The following SPOCK1 variants were observed in gnomAD, a reference collection of about 807,000 sequenced individuals.
The protein encoded by SPOCK1 is SPARC (osteonectin), cwcv and kazal like domains proteoglycan 1.
A neutral mutation model predicts 55.3 loss-of-function variants in SPOCK1; 23 were observed. That is an observed-to-expected ratio of 0.42 (90% CI 0.30 to 0.59). The LOEUF (loss-of-function observed/expected upper bound fraction) is 0.59. SPOCK1 is among the 20% of genes least tolerant of loss of function. SPOCK1 has a pLI of 0.22. For synonymous variants in SPOCK1, 226 were observed against 221.0 expected (o/e 1.02, Z -0.20); for missense variants, 499 against 552.5 (o/e 0.90, Z 0.97).
chr5:137,385,793 T>A (rs1354250493), intron 2 of SPOCK1, among the ~76,000 whole-genome samples: 1 of 152,220 alleles, frequency 6.6e-6, no homozygotes, highest in Non-Finnish European at 1.5e-5. Flanking sequence ...CTCTGCCAGG[T>A]TCCTACCATC....
intron 2 of SPOCK1, among the ~76,000 whole-genome samples, chr5:137,495,702 G>C (rs1366020723): frequency 6.6e-6 from 1 of 152,222 alleles, no homozygotes; most frequent in African/African-American, 2.4e-5. Flanking sequence ...AGGCTTTATC[G>C]ATTGTCCACT....
intron 2 of SPOCK1, among the ~76,000 whole-genome samples, chr5:137,272,856 A>G (rs1756996723): frequency 6.6e-6 from 1 of 151,422 alleles, no homozygotes. Flanking sequence ...GCTAAATCAC[A>G]TCAAATATAA....
At chr5:137,204,092 C>T (rs965134969) in intron 3 of SPOCK1, among the ~76,000 whole-genome samples, 1 of 152,170 alleles carries the variant, frequency 6.6e-6, no homozygotes, top group African/African-American at 2.4e-5. Context: ...GGTTATCCAA[C>T]CAGCTCTAGC....
chr5:137,413,054 T>G (rs1177658918), intron 2 of SPOCK1, among the ~76,000 whole-genome samples: 1 of 152,188 alleles, frequency 6.6e-6, no homozygotes, highest in Non-Finnish European at 1.5e-5. Context: ...AAAAGTAATT[T>G]TTGGAGGTGC....
At chr5:137,296,093 C>T (rs1366179313) in intron 2 of SPOCK1, among the ~76,000 whole-genome samples, 1 of 152,158 alleles carries the variant, frequency 6.6e-6, no homozygotes, top group East Asian at 1.9e-4. Flanking sequence ...ATTCCTTCTG[C>T]CACATGAGGA....
intron 2 of SPOCK1, among the ~76,000 whole-genome samples, chr5:137,381,745 T>C (rs957873689): frequency 1.3e-5 from 2 of 152,206 alleles, no homozygotes; most frequent in Non-Finnish European, 2.9e-5. Flanking sequence ...AAAATCATTT[T>C]TTCCTCCTTG....
intron 2 of SPOCK1, among the ~76,000 whole-genome samples, chr5:137,285,073 T>C (rs1431864713): frequency 1.3e-5 from 2 of 152,246 alleles, no homozygotes; most frequent in Non-Finnish European, 2.9e-5. Context: ...CCCAGACTAA[T>C]GTGCCTCTGT....
chr5:137,150,100 A>G lies in SPOCK1; in HGVS notation c.233-9406T>C, dbSNP rs575892685. On this transcript the variant is annotated intron_variant, in intron 3 of 10. Coordinates refer to ENST00000394945, the MANE Select transcript of SPOCK1 (RefSeq NM_004598.4). ...CCACCAAGGGCAAGGGACCCTGGAC[A>G]CTTCAGAAACACAAGATCCTGGAGC... is the stretch of plus-strand genomic sequence containing the variant. Among the ~76,000 whole-genome samples the G allele has an allele frequency of 2.0e-4, 31 of 152,336 alleles. No individual in the cohort carries two copies. The South Asian group carries it at 3.9e-3, about 19-fold the overall frequency.
In SPOCK1 at chr5:136,979,370, T is replaced by G. The variant is rs1445619769; in HGVS notation, c.1091A>C (p.Glu364Ala). Residue 364 changes from glutamate to alanine, a missense_variant, in exon 10 of 11, where the codon GAG (glutamate) becomes GCG (alanine). Transcript: ENST00000394945. ...ACCCTGTTTCCTGGAGCCAGCCAAC[T>G]CATTCCCATATTTGTCCACACACCA... is the stretch of plus-strand genomic sequence containing the variant. ...QCWCVDKYGNELAGSRKQGAV... is the reference protein window; with the variant it reads ...QCWCVDKYGNALAGSRKQGAV... The G allele has an allele frequency of 6.2e-7, 1 of 1,614,002 alleles. No homozygotes were observed. Among genetic ancestry groups the G allele is most frequent in the African/African-American group, 1.3e-5 (1 of 74,904 alleles).
chr5:137,029,728 C>T (rs1364387862), intron 6 of SPOCK1, among the ~76,000 whole-genome samples: 1 of 152,208 alleles, frequency 6.6e-6, no homozygotes, highest in Non-Finnish European at 1.5e-5. Context: ...GGTATGGTGG[C>T]TCATGCCTAT....
chr5:137,176,502 A>ATGTGTGTGTG (rs10527760), intron 3 of SPOCK1, among the ~76,000 whole-genome samples: 1,839 of 150,398 alleles, frequency 0.012, 39 homozygotes, highest in African/African-American at 0.041. Context: ...CCCCACCACA[A>ATGTGTGTGTG]TGTGTGTGTG....
At chr5:136,989,819 C>T (rs1244717306) in intron 7 of SPOCK1, among the ~76,000 whole-genome samples, 1 of 152,094 alleles carries the variant, frequency 6.6e-6, no homozygotes, top group Non-Finnish European at 1.5e-5. Flanking sequence ...GTCAGTTGCC[C>T]ATCATTAAGC....
At chr5:137,012,636 T>C (rs1285661801) in intron 6 of SPOCK1, among the ~76,000 whole-genome samples, 2 of 152,134 alleles carry the variant, frequency 1.3e-5, no homozygotes, top group Non-Finnish European at 2.9e-5. Flanking sequence ...GAAGGTTCTA[T>C]AATAGTTAAT....
chr5:137,471,545 C>G (rs575019012), intron 2 of SPOCK1, among the ~76,000 whole-genome samples: 1 of 152,318 alleles, frequency 6.6e-6, no homozygotes, highest in East Asian at 1.9e-4. Flanking sequence ...TTGCCAGAAT[C>G]AAGAGAAAGA....
At chr5:137,241,969 C>T (rs1756291318) in intron 3 of SPOCK1, among the ~76,000 whole-genome samples, 1 of 152,120 alleles carries the variant, frequency 6.6e-6, no homozygotes, top group Non-Finnish European at 1.5e-5. Flanking sequence ...GACATACATA[C>T]AAAATTATTC....
At chr5:137,105,604 A>C (rs766522655) in intron 5 of SPOCK1, among the ~76,000 whole-genome samples, 2 of 152,230 alleles carry the variant, frequency 1.3e-5, no homozygotes, top group Non-Finnish European at 2.9e-5. Flanking sequence ...AAGAACTTCA[A>C]ACATGACCTT....
intron 4 of SPOCK1, among the ~76,000 whole-genome samples, chr5:137,135,034 G>A (rs751702497): frequency 6.6e-6 from 1 of 152,150 alleles, no homozygotes; most frequent in Non-Finnish European, 1.5e-5. Flanking sequence ...CATTAGAGAG[G>A]CCCAGCCCAT....
At chr5:137,078,507 ACT>A (rs1444403580) in intron 5 of SPOCK1, among the ~76,000 whole-genome samples, 3 of 151,890 alleles carry the variant, frequency 2.0e-5, no homozygotes, top group African/African-American at 7.3e-5. Context: ...GTAGGGAGAA[ACT>A]CTCTGCCCAG....
At chr5:137,199,625 C>A (rs767702018) in intron 3 of SPOCK1, among the ~76,000 whole-genome samples, 1 of 152,084 alleles carries the variant, frequency 6.6e-6, no homozygotes, top group Non-Finnish European at 1.5e-5. Flanking sequence ...GAGTTTCCTC[C>A]CCCTTTCGAG....
Sources: gnomAD v4.1 joint callset for allele counts (sites outside exome capture counted in the v4.1 genomes callset) on GRCh38, gnomAD v4.1.1 for gene constraint, MANE v1.5 for transcripts, NCBI Gene and HGNC (gene_info 2026-07-23, HGNC 2026-07-21) for gene names.